C1orf105: variants seen among roughly 807,000 people sequenced by gnomAD.
C1orf105 encodes the protein chromosome 1 open reading frame 105, also known as uncharacterized protein C1orf105.
In C1orf105, 17 loss-of-function variants were observed where a neutral mutation model predicts 20.8. The observed-to-expected ratio is 0.82, with a 90% CI of 0.56 to 1.23. The LOEUF is 1.23. C1orf105 is among the 50% of genes most tolerant of loss of function. The pLI, the probability that C1orf105 is intolerant of heterozygous loss-of-function variation, is 0.00. For missense variants in C1orf105, 219 were observed against 213.5 expected, an observed-to-expected ratio of 1.03 and a Z score of -0.16; for synonymous variants, 72 against 72.1, an observed-to-expected ratio of 1.00 and a Z score of 0.01.
chr1:172,462,651 T>G (rs1649779861), intron 5 of C1orf105, among the ~76,000 whole-genome samples: 1 of 152,230 alleles, frequency 6.6e-6, no homozygotes, highest in African/African-American at 2.4e-5. Context: ...CTAAAATTCC[T>G]CTTTATCAGT....
chr1:172,425,927 C>G (rs899000975), intron 1 of C1orf105, among the ~76,000 whole-genome samples: 1 of 143,828 alleles, frequency 7.0e-6, no homozygotes, highest in Non-Finnish European at 1.5e-5. Flanking sequence ...CTTACACTTA[C>G]TGGAACTTAT....
chr1:172,441,631 G>T, intron 1 of C1orf105: 1 of 1,105,768 alleles, frequency 9.0e-7, no homozygotes, highest in Non-Finnish European at 1.3e-6. Flanking sequence ...TTACCACAAT[G>T]ACATGCTGCT....
chr1:172,442,637 A>G (rs753907528), intron 1 of C1orf105: 1 of 1,596,588 alleles, frequency 6.3e-7, no homozygotes, highest in Non-Finnish European at 8.6e-7. Context: ...CTTTCATTCA[A>G]ACTCAGGCCA....
At chr1:172,446,237 AG>A (rs1390855131) in intron 2 of C1orf105, among the ~76,000 whole-genome samples, 8 of 152,360 alleles carry the variant, frequency 5.3e-5, no homozygotes, top group African/African-American at 1.9e-4. Context: ...ATAAACTCAA[AG>A]GCCTATTTAA....
chr1:172,454,565 C>T (rs1321648378), intron 3 of C1orf105, among the ~76,000 whole-genome samples: 1 of 152,096 alleles, frequency 6.6e-6, no homozygotes, highest in Non-Finnish European at 1.5e-5. Context: ...CACCAGACAA[C>T]CTGTCCATCC....
At chr1:172,458,056 T>C (rs758574588) in intron 4 of C1orf105, among the ~76,000 whole-genome samples, 6 of 152,154 alleles carry the variant, frequency 3.9e-5, no homozygotes, top group Admixed American at 1.3e-4. Context: ...AAAAGACTCC[T>C]AGGAATAGAA....
chr1:172,460,960 A>C (rs1182062614), intron 4 of C1orf105, among the ~76,000 whole-genome samples: 1 of 152,224 alleles, frequency 6.6e-6, no homozygotes, highest in Non-Finnish European at 1.5e-5. Flanking sequence ...AGCTGGATTT[A>C]GGGGATTTAG....
intron 1 of C1orf105, among the ~76,000 whole-genome samples, chr1:172,439,188 T>G (rs900437645): frequency 6.6e-6 from 1 of 152,120 alleles, no homozygotes; most frequent in Non-Finnish European, 1.5e-5. Flanking sequence ...TATACACACT[T>G]TGTGTGTGTG....
Position 172,448,503 on chromosome 1 carries a change from T to G in C1orf105, c.170T>G (p.Leu57Trp), listed in dbSNP as rs766969605. ...SSKKNMNLPI[L>W]FQVPDVLSKA... Reference sequence around the variant, plus strand: ...AAGAAGAATATGAATTTGCCAATTTTGTTTCAAGTTCCAGATGTTTTATCT... The same window carrying G: ...AAGAAGAATATGAATTTGCCAATTTGGTTTCAAGTTCCAGATGTTTTATCT... Residue 57 changes from leucine (L) to tryptophan (W), a missense_variant, in exon 3 of 7, where the codon TTG becomes TGG. Transcript: ENST00000367727. 2 of 1,613,296 alleles carry G rather than the reference T, an allele frequency of 1.2e-6. No homozygotes were observed. Among genetic ancestry groups the G allele is most frequent in the Non-Finnish European group, 8.5e-7 (1 of 1,179,194 alleles).
intron 1 of C1orf105, chr1:172,428,786 A>C: frequency 1.4e-6 from 1 of 697,556 alleles, no homozygotes; most frequent in Non-Finnish European, 2.6e-6. Flanking sequence ...TGTCCTTTTT[A>C]TTTACAGATA....
intron 4 of C1orf105, among the ~76,000 whole-genome samples, chr1:172,458,919 A>G (rs939642100): frequency 6.6e-6 from 1 of 152,206 alleles, no homozygotes; most frequent in Non-Finnish European, 1.5e-5. Context: ...TTTTTGACAA[A>G]GGCACCAAGA....
At chr1:172,451,685 TA>T (rs1648655163) in intron 3 of C1orf105, among the ~76,000 whole-genome samples, 1 of 152,120 alleles carries the variant, frequency 6.6e-6, no homozygotes, top group Admixed American at 6.5e-5. Flanking sequence ...ATATGGATAT[TA>T]TTTTTTATAC....
chr1:172,447,693 T>C (rs1037157302), intron 2 of C1orf105, among the ~76,000 whole-genome samples: 3 of 152,252 alleles, frequency 2.0e-5, no homozygotes, highest in African/African-American at 7.2e-5. Context: ...GCCTTTGTTT[T>C]AAATAAACAA....
At chr1:172,447,582 C>T (rs1648150137) in intron 2 of C1orf105, among the ~76,000 whole-genome samples, 1 of 152,236 alleles carries the variant, frequency 6.6e-6, no homozygotes, top group South Asian at 2.1e-4. Context: ...ACCCCGAGGG[C>T]ACTCATGTCA....
chr1:172,441,927 T>C (rs1476671907), intron 1 of C1orf105: 1 of 1,614,162 alleles, frequency 6.2e-7, no homozygotes, highest in Non-Finnish European at 8.5e-7. Flanking sequence ...CAAAAAGCAG[T>C]GTGACCCCCA....
At chr1:172,460,581 G>A (rs1649619445) in intron 4 of C1orf105, among the ~76,000 whole-genome samples, 1 of 151,600 alleles carries the variant, frequency 6.6e-6, no homozygotes, top group South Asian at 2.1e-4. Flanking sequence ...TTAAAAAATA[G>A]TTTCAAAATA....
At chr1:172,434,319 C>T (rs1341820699) in intron 1 of C1orf105, among the ~76,000 whole-genome samples, 1 of 152,182 alleles carries the variant, frequency 6.6e-6, no homozygotes, top group African/African-American at 2.4e-5. Flanking sequence ...AGCAGCACAT[C>T]GCACTTATTC....
At chr1:172,435,685 C>A (rs1290987817) in intron 1 of C1orf105, among the ~76,000 whole-genome samples, 1 of 152,138 alleles carries the variant, frequency 6.6e-6, no homozygotes, top group Admixed American at 6.5e-5. Flanking sequence ...AAAACCAGCA[C>A]AAGACAAGCA....
chr1:172,446,923 TG>T (rs1648079842), intron 2 of C1orf105, among the ~76,000 whole-genome samples: 1 of 152,210 alleles, frequency 6.6e-6, no homozygotes, highest in Non-Finnish European at 1.5e-5. Context: ...ATCGCTATTC[TG>T]GGAGGATTGG....
Sources: allele counts gnomAD v4.1 joint callset (sites outside exome capture counted in the v4.1 genomes callset), GRCh38; gene constraint gnomAD v4.1.1; transcripts MANE v1.5; gene names NCBI Gene and HGNC (gene_info 2026-07-23, HGNC 2026-07-21).